The following CDH18 variants were observed in gnomAD, a reference collection of about 807,000 sequenced individuals.
CDH18 encodes the protein cadherin 18, also known as cadherin-18.
CDH18 carries 31 observed loss-of-function variants against 67.9 expected under a neutral mutation model. The ratio of observed to expected loss-of-function variants is 0.46; its 90% CI spans 0.34 to 0.62. CDH18 has a LOEUF of 0.62. CDH18 is among the 20% of genes least tolerant of loss of function. The probability of loss-of-function intolerance (pLI) is 0.01; values close to 1 mark genes in which losing one functional copy is unlikely to be tolerated. For missense variants in CDH18, 890 were observed against 975.5 expected (o/e 0.91, Z 1.17); for synonymous variants, 362 against 347.2 (o/e 1.04, Z -0.48).
intron 1 of CDH18, among the ~76,000 whole-genome samples, chr5:20,478,408 C>T (rs545787340): frequency 1.3e-5 from 2 of 152,146 alleles, no homozygotes; most frequent in Non-Finnish European, 2.9e-5. Context: ...TGACAGCATT[C>T]ATCACAAGCT....
chr5:20,278,740 G>A (rs1745996829), intron 1 of CDH18, among the ~76,000 whole-genome samples: 1 of 152,032 alleles, frequency 6.6e-6, no homozygotes, highest in Non-Finnish European at 1.5e-5. Context: ...AAAGTAACAA[G>A]TACAGAGTTT....
Position 20,124,939 on chromosome 5 carries a change from G to A in CDH18, c.-518+130505C>T, listed in dbSNP as rs142327797. Among the ~76,000 whole-genome samples, 652 of 152,162 alleles carry A rather than the reference G, an allele frequency of 4.3e-3. 16 individuals carry two copies. Among genetic ancestry groups the A allele is most frequent in the Admixed American group, 0.027 (411 of 15,278 alleles). On this transcript the variant is annotated intron_variant, in intron 2 of 14. Coordinates refer to the CDH18 transcript ENST00000507958. ...AGGAATTATATTTGTAATGGTCCTG[G>A]ATAAATGTCCAATGCTCAGTGTTCA...
At chr5:20,255,917 A>T (rs1744201438) in intron 1 of CDH18, among the ~76,000 whole-genome samples, 1 of 151,892 alleles carries the variant, frequency 6.6e-6, no homozygotes, top group Non-Finnish European at 1.5e-5. Context: ...ATGTTATTTT[A>T]ATAACTTTAA....
intron 2 of CDH18, among the ~76,000 whole-genome samples, chr5:20,102,672 C>T (rs1337961366): frequency 6.6e-6 from 1 of 152,100 alleles, no homozygotes; most frequent in African/African-American, 2.4e-5. Flanking sequence ...CTTTGACCCT[C>T]TGCAGACACT....
intron 2 of CDH18, among the ~76,000 whole-genome samples, chr5:20,233,917 T>A (rs1742275525): frequency 6.6e-6 from 1 of 152,122 alleles, no homozygotes; most frequent in Non-Finnish European, 1.5e-5. Context: ...TCTATTTTAT[T>A]CCATGGAAAA....
intron 2 of CDH18, among the ~76,000 whole-genome samples, chr5:19,879,053 T>C (rs181274157): frequency 1.3e-5 from 2 of 152,074 alleles, no homozygotes; most frequent in Admixed American, 6.6e-5. Context: ...ATATAAATTA[T>C]ATAATTTAAA....
intron 1 of CDH18, among the ~76,000 whole-genome samples, chr5:20,389,685 T>G (rs1383014851): frequency 1.3e-5 from 2 of 151,464 alleles, no homozygotes; most frequent in Admixed American, 6.6e-5. Flanking sequence ...GCCAAGTCAA[T>G]CCTAAGCCAA....
At chr5:19,800,221 C>G (rs1300566365) in intron 3 of CDH18, among the ~76,000 whole-genome samples, 1 of 151,974 alleles carries the variant, frequency 6.6e-6, no homozygotes, top group Non-Finnish European at 1.5e-5. Context: ...GTCAAACATT[C>G]CAAGCATAAT....
Position 20,465,516 on chromosome 5 carries a change from AG to A in CDH18, c.-580+109945del, listed in dbSNP as rs1382796619. ...CTTTAAAAAGTCAATTACATTATCA[AG>A]GTATATTTAAAATTTGTATGTTAAA... On this transcript the variant is annotated intron_variant, in intron 1 of 14. Coordinates refer to the CDH18 transcript ENST00000507958. Among the ~76,000 whole-genome samples the A allele has an allele frequency of 6.4e-4, 98 of 152,212 alleles. 1 individual carries two copies. The highest frequency in any genetic ancestry group is 2.4e-3 in the African/African-American group (98 of 41,584).
chr5:20,499,887 A>C (rs2126431236), intron 1 of CDH18, among the ~76,000 whole-genome samples: 1 of 152,284 alleles, frequency 6.6e-6, no homozygotes, highest in East Asian at 1.9e-4. Flanking sequence ...ATTTATATTT[A>C]TGTGAACTGT....
At chr5:19,584,126 G>T (rs1743713927) in intron 7 of CDH18, among the ~76,000 whole-genome samples, 1 of 152,156 alleles carries the variant, frequency 6.6e-6, no homozygotes, top group Non-Finnish European at 1.5e-5. Flanking sequence ...GCTACAAGAG[G>T]TTTATGTCAG....
intron 1 of CDH18, among the ~76,000 whole-genome samples, chr5:20,461,014 T>C (rs147363395): frequency 1.3e-5 from 2 of 152,298 alleles, no homozygotes; most frequent in Non-Finnish European, 2.9e-5. Flanking sequence ...CAATTTTCTC[T>C]GGGTTAAAAT....
intron 7 of CDH18, among the ~76,000 whole-genome samples, chr5:19,584,793 CAAAAAAAA>C (rs61297842): frequency 8.0e-5 from 6 of 75,092 alleles, no homozygotes; most frequent in Non-Finnish European, 1.4e-4. Flanking sequence ...ACTAAAAATA[CAAAAAAAA>C]AAAAAAAAAA....
At chr5:20,304,600 G>A (rs1736254847) in intron 1 of CDH18, 13 of 1,611,918 alleles carry the variant, frequency 8.1e-6, no homozygotes, top group South Asian at 1.1e-5. Context: ...AGAGCTTAAT[G>A]AGCCCAAAAC....
intron 3 of CDH18, among the ~76,000 whole-genome samples, chr5:19,835,470 T>G (rs1581569791): frequency 6.6e-6 from 1 of 152,070 alleles, no homozygotes; most frequent in Non-Finnish European, 1.5e-5. Context: ...TTTGTTTGTT[T>G]GTTTCTCTGT....
At chr5:19,900,684 A>AATTTT (rs1789851886) in intron 2 of CDH18, among the ~76,000 whole-genome samples, 1 of 152,198 alleles carries the variant, frequency 6.6e-6, no homozygotes, top group African/African-American at 2.4e-5. Flanking sequence ...TAATTTTTAA[A>AATTTT]AGAATGAATG....
chr5:19,937,946 GA>G (rs1199495117), intron 2 of CDH18, among the ~76,000 whole-genome samples: 1 of 144,292 alleles, frequency 6.9e-6, no homozygotes, highest in South Asian at 2.1e-4. Context: ...CACTAACCTT[GA>G]AAAAATATAT....
intron 2 of CDH18, among the ~76,000 whole-genome samples, chr5:20,018,941 C>T (rs542147650): frequency 1.1e-4 from 16 of 150,290 alleles, no homozygotes; most frequent in South Asian, 1.1e-3. Flanking sequence ...ACTACAGGCG[C>T]GCGCCACCAT....
intron 7 of CDH18, among the ~76,000 whole-genome samples, chr5:19,576,391 C>CAAA (rs148894296): frequency 0.058 from 8,523 of 147,804 alleles, 274 homozygotes; most frequent in Non-Finnish European, 0.074. Flanking sequence ...TCAAACTACT[C>CAAA]AAAAAAAAAA....
Sources: allele counts gnomAD v4.1 joint callset (sites outside exome capture counted in the v4.1 genomes callset), GRCh38; gene constraint gnomAD v4.1.1; transcripts MANE v1.5; gene names NCBI Gene and HGNC (gene_info 2026-07-23, HGNC 2026-07-21).